MTRR: variants seen among roughly 807,000 people sequenced by gnomAD.
MTRR encodes 5-methyltetrahydrofolate-homocysteine methyltransferase reductase.
A neutral mutation model predicts 79.2 loss-of-function variants in MTRR; 63 were observed. The ratio of observed to expected loss-of-function variants is 0.80; its 90% confidence interval spans 0.65 to 0.98. MTRR has a LOEUF of 0.98. Among genes scored for constraint, MTRR ranks in the 50% least tolerant of loss-of-function variants. The pLI is 0.00. For synonymous variants in MTRR, 355 were observed against 313.3 expected, an observed-to-expected ratio of 1.13 and a Z score of -1.41; for missense variants, 895 against 839.6, an observed-to-expected ratio of 1.07 and a Z score of -0.82.
At chr5:7,854,718 G>A (rs1456042322) in intron 1 of MTRR, among the ~76,000 whole-genome samples, 2 of 152,164 alleles carry the variant, frequency 1.3e-5, no homozygotes, top group East Asian at 1.9e-4. Flanking sequence ...TGAGAATTAT[G>A]GAGATTTGGG....
chr5:7,880,958 T>G (rs1269045854), intron 5 of MTRR, among the ~76,000 whole-genome samples: 4 of 152,184 alleles, frequency 2.6e-5, no homozygotes, highest in Non-Finnish European at 5.9e-5. Flanking sequence ...GGAGAAGGAC[T>G]GCAGAAGCCA....
At chr5:7,856,478 A>C (rs771152348) in intron 1 of MTRR, among the ~76,000 whole-genome samples, 2 of 152,190 alleles carry the variant, frequency 1.3e-5, no homozygotes, top group African/African-American at 2.4e-5. Context: ...GCTGTACGAT[A>C]AAGTTTAACT....
At chr5:7,867,110 T>C (rs149768601), upstream of MTRR, 43 of 1,614,078 alleles carry the variant, frequency 2.7e-5, no homozygotes, top group Admixed American at 3.3e-5. Flanking sequence ...ATGTGGGACA[T>C]GCCTCACGAC....
intron 3 of MTRR, among the ~76,000 whole-genome samples, chr5:7,873,864 T>C (rs1357240120): frequency 6.6e-6 from 1 of 152,132 alleles, no homozygotes; most frequent in East Asian, 1.9e-4. Context: ...ATGCCATTCC[T>C]CCATTTAGAA....
At position 7,885,690 on chromosome 5, in the gene MTRR, C is replaced by G. The variant is rs1561223902; in HGVS notation, c.904-11C>G. The G allele has an allele frequency of 1.3e-6, 2 of 1,582,396 alleles. No individual in the cohort carries two copies. The highest frequency in any genetic ancestry group is 2.8e-5 in the African/African-American group (2 of 70,406). ...ATGTATTTTTTTTTTTTCATTTTGG[C>G]TCTTCTCTAGAATACAGACTTTTCC... is the stretch of plus-strand genomic sequence containing the variant. On this transcript the variant is annotated splice_polypyrimidine_tract_variant and intron_variant, in intron 6 of 14. Coordinates refer to ENST00000440940, the MANE Select transcript of MTRR (RefSeq NM_002454.3).
intron 5 of MTRR, among the ~76,000 whole-genome samples, chr5:7,881,088 G>A (rs1047779248): frequency 2.0e-5 from 3 of 152,060 alleles, no homozygotes; most frequent in South Asian, 2.1e-4. Flanking sequence ...TTGGAGCAGC[G>A]GCCTACAGCT....
upstream of MTRR, chr5:7,869,039 C>G: frequency 6.9e-7 from 1 of 1,455,546 alleles, no homozygotes; most frequent in Non-Finnish European, 9.6e-7. Flanking sequence ...CGTGGGCCTC[C>G]GTAGCAAACG....
intron 1 of MTRR, among the ~76,000 whole-genome samples, chr5:7,855,325 A>T (rs326208): frequency 0.032 from 4,843 of 151,470 alleles, 147 homozygotes; most frequent in African/African-American, 0.075. Context: ...TGATTAGATA[A>T]AAAAAGAAAA....
intron 11 of MTRR, among the ~76,000 whole-genome samples, chr5:7,894,491 C>T (rs903016815): frequency 2.0e-5 from 3 of 152,180 alleles, no homozygotes; most frequent in African/African-American, 7.2e-5. Flanking sequence ...CCACAGCCTT[C>T]GAGGAAGAGA....
intron 8 of MTRR, among the ~76,000 whole-genome samples, chr5:7,887,793 CATATATATATATATATATAT>C (rs372829698): frequency 1.8e-4 from 17 of 92,022 alleles, no homozygotes; most frequent in South Asian, 3.9e-4. Context: ...TGTGTGTGTG[CATATATATATATATATATAT>C]ATATATATAT....
intron 1 of MTRR, chr5:7,856,753 T>A (rs1417435869): frequency 6.8e-6 from 1 of 147,578 alleles, no homozygotes; most frequent in Non-Finnish European, 1.5e-5. Flanking sequence ...GGTATACTTT[T>A]TTTTTTTTTT....
chr5:7,885,719 C>T lies in MTRR; in HGVS notation c.922C>T (p.Gln308Ter). 2 of 1,611,064 alleles carry T rather than the reference C, an allele frequency of 1.2e-6. No individual in the cohort carries two copies. The highest frequency in any genetic ancestry group is 1.7e-6 in the Non-Finnish European group (2 of 1,179,306). The change falls in exon 7 of 15, where the codon CAG (glutamine) becomes TAG (stop). Residue 308 changes from glutamine (Q) to a stop codon, truncating the protein, a stop_gained. Coordinates refer to ENST00000440940, the MANE Select transcript of MTRR (RefSeq NM_002454.3). LOFTEE classifies it high-confidence loss of function. ...TCTCTAGAATACAGACTTTTCCTAT[C>T]AGCCTGGAGATGCCTTCAGCGTGAT... ...LDISNTDFSY[Q>*]PGDAFSVICP...
chr5:7,865,784 C>T (rs185226627), upstream of MTRR: 3 of 757,394 alleles, frequency 4.0e-6, no homozygotes, highest in African/African-American at 1.7e-5. Flanking sequence ...GCAACTGACT[C>T]CAAGTAAATG....
intron 10 of MTRR, among the ~76,000 whole-genome samples, chr5:7,891,751 C>T (rs914472763): frequency 6.6e-6 from 1 of 152,226 alleles, no homozygotes; most frequent in African/African-American, 2.4e-5. Context: ...CACTATAAAA[C>T]ATTTGATGAG....
rs1018351932 is a variant in MTRR at position 7,889,229 on chromosome 5, C to G, written c.1281C>G (p.Leu427=). 1.2e-6 allele frequency: 2 copies of G among 1,613,322 alleles called. No individual in the cohort carries two copies. Among genetic ancestry groups the G allele is most frequent in the African/African-American group, 2.7e-5 (2 of 75,020 alleles). ...ATGCCTGTGCCTGCTTGTTGGATCT[C>G]CTCCTCGCTTTCCCTTCTTGCCAGC... ...VRDACACLLD[L]LLAFPSCQPP... The change falls in exon 9 of 15, where the codon CTC becomes CTG. Residue 427 remains leucine, a synonymous_variant. Coordinates refer to ENST00000440940, the MANE Select transcript of MTRR (RefSeq NM_002454.3).
At chr5:7,858,487 T>C (rs1463329514) in intron 1 of MTRR, among the ~76,000 whole-genome samples, 2 of 152,146 alleles carry the variant, frequency 1.3e-5, no homozygotes, top group Non-Finnish European at 2.9e-5. Flanking sequence ...TTCTTTGTAA[T>C]TGGAGACAAA....
rs190193283 is a variant in MTRR at position 7,890,153 on chromosome 5, A to T, written c.1327+878A>T. 2.1e-3 allele frequency: 1,273 copies of T among 599,192 alleles called. 1 individual carries two copies. The highest frequency in any genetic ancestry group is 2.5e-3 in the Non-Finnish European group (1,197 of 477,286). 37.1% of individuals were successfully genotyped at this position (599,192 alleles called of 1,614,324 possible). A position where few individuals can be genotyped will look rare whatever the true frequency, so the allele number is the denominator to read the frequency against. On this transcript the variant is annotated intron_variant, in intron 9 of 14. Transcript: ENST00000440940. Reference sequence around the variant, plus strand: ...TTTTTCTTTGGTGACACCAAAATGTATATTGTCCTTTTTACTCTTGGGCCA... The same window carrying T: ...TTTTTCTTTGGTGACACCAAAATGTTTATTGTCCTTTTTACTCTTGGGCCA...
At position 7,889,888 on chromosome 5, in the gene MTRR, T is replaced by A. The variant is rs569575923; in HGVS notation, c.1327+613T>A. ...CCATTTCAGATGAAGAGTAACCCATTTTTTTGCCCAGAGTGACTCTTCTAG... is the reference window on the plus strand; with the variant it reads ...CCATTTCAGATGAAGAGTAACCCATATTTTTGCCCAGAGTGACTCTTCTAG... On this transcript the variant is annotated intron_variant, in intron 9 of 14. Transcript: ENST00000440940. Among the ~76,000 whole-genome samples the A allele has an allele frequency of 5.3e-5, 8 of 152,174 alleles. No individual in the cohort carries two copies. The East Asian group carries it at 1.5e-3, about 29-fold the overall frequency.
Position 7,878,226 on chromosome 5 carries a change from T to TA in MTRR, c.685dup (p.Thr229AsnfsTer60). 1.2e-6 allele frequency: 2 copies of TA among 1,614,230 alleles called. No homozygotes were observed. The highest frequency in any genetic ancestry group is 1.7e-6 in the Non-Finnish European group (2 of 1,180,040). ...TAATTGAAGACTTTGAGTCCTCACT[T>TA]ACCCGTTCGGTACCCCCACTCTCAC... On this transcript the variant is annotated frameshift_variant, in exon 5 of 15. Coordinates refer to ENST00000440940, the MANE Select transcript of MTRR (RefSeq NM_002454.3). LOFTEE classifies it high-confidence loss of function.
Sources: allele counts gnomAD v4.1 joint callset (sites outside exome capture counted in the v4.1 genomes callset), GRCh38; gene constraint gnomAD v4.1.1; transcripts MANE v1.5; gene names NCBI Gene and HGNC (gene_info 2026-07-23, HGNC 2026-07-21).